The following NKAIN2 variants were observed in gnomAD, a reference collection of about 807,000 sequenced individuals.
NKAIN2 encodes the protein sodium/potassium transporting ATPase interacting 2, also known as sodium/potassium-transporting ATPase subunit beta-1-interacting protein 2.
Under a neutral mutation model 32.6 loss-of-function variants are expected in NKAIN2, and 14 were observed. The ratio of observed to expected loss-of-function variants is 0.43; its 90% CI spans 0.28 to 0.67. NKAIN2 has a LOEUF of 0.67. Among genes scored for constraint, NKAIN2 ranks in the 30% least tolerant of loss-of-function variants. The pLI is 0.17. For synonymous variants in NKAIN2, 80 were observed against 87.2 expected (o/e 0.92, Z 0.46); for missense variants, 198 against 258.3 (o/e 0.77, Z 1.60).
intron 3 of NKAIN2, among the ~76,000 whole-genome samples, chr6:124,623,213 A>G (rs1250144876): frequency 6.6e-6 from 1 of 152,174 alleles, no homozygotes; most frequent in Non-Finnish European, 1.5e-5. Flanking sequence ...ATTGCCCTTT[A>G]GTTTCTGACC....
chr6:124,286,544 A>G (rs1379942494), intron 2 of NKAIN2, among the ~76,000 whole-genome samples: 1 of 152,108 alleles, frequency 6.6e-6, no homozygotes. Context: ...ATTTGATAGA[A>G]GAAAAAATGT....
At chr6:123,875,220 ACT>A (rs1260503378) in intron 1 of NKAIN2, among the ~76,000 whole-genome samples, 2 of 151,962 alleles carry the variant, frequency 1.3e-5, no homozygotes, top group African/African-American at 4.8e-5. Context: ...AGGTTTTCTC[ACT>A]GTTTCCTTAG....
At chr6:124,330,089 A>G (rs939926503) in intron 2 of NKAIN2, among the ~76,000 whole-genome samples, 3 of 152,216 alleles carry the variant, frequency 2.0e-5, no homozygotes, top group African/African-American at 7.2e-5. Flanking sequence ...CTGGCAGATT[A>G]GTTATTCAGC....
intron 1 of NKAIN2, among the ~76,000 whole-genome samples, chr6:123,848,018 G>A (rs1775164128): frequency 6.6e-6 from 1 of 152,142 alleles, no homozygotes; most frequent in Admixed American, 6.5e-5. Flanking sequence ...GCTATCTGTA[G>A]CTAAGAATTA....
intron 1 of NKAIN2, among the ~76,000 whole-genome samples, chr6:124,180,541 ATATCATTCCACCCC>A (rs1345378103): frequency 6.6e-6 from 1 of 152,116 alleles, no homozygotes; most frequent in Non-Finnish European, 1.5e-5. Context: ...CAGCCAAACC[ATATCATTCCACCCC>A]TGGCCCCTCT....
chr6:124,239,455 C>T lies in NKAIN2; in HGVS notation c.55-43550C>T, dbSNP rs181086991. Reference sequence around the variant, plus strand: ...AACAGAATATACATTCTTCTCAGCACCACGTCACACTTATTCTAAAATTGG... The same window carrying T: ...AACAGAATATACATTCTTCTCAGCATCACGTCACACTTATTCTAAAATTGG... On this transcript the variant is annotated intron_variant, in intron 1 of 6. Transcript: ENST00000368417. 6.7e-4 allele frequency among the ~76,000 whole-genome samples: 102 copies of T among 152,254 alleles called. No homozygotes were observed. In the East Asian group the frequency reaches 0.019, roughly 28 times the overall value.
At chr6:124,712,390 G>C (rs1469368062) in intron 4 of NKAIN2, among the ~76,000 whole-genome samples, 20 of 114,990 alleles carry the variant, frequency 1.7e-4, no homozygotes, top group South Asian at 2.7e-4. Context: ...ATCAAGCCTG[G>C]GCAATGGCGG....
At chr6:124,519,533 T>C (rs1166774546) in intron 3 of NKAIN2, among the ~76,000 whole-genome samples, 1 of 152,222 alleles carries the variant, frequency 6.6e-6, no homozygotes, top group Admixed American at 6.5e-5. Flanking sequence ...CCTTACTTTC[T>C]ACAGCACATT....
At chr6:124,249,167 A>G (rs1209232028) in intron 1 of NKAIN2, among the ~76,000 whole-genome samples, 2 of 152,162 alleles carry the variant, frequency 1.3e-5, no homozygotes, top group African/African-American at 4.8e-5. Context: ...CTACTGTGTT[A>G]CTATGTAGCC....
At chr6:124,028,718 T>C (rs918728435) in intron 1 of NKAIN2, among the ~76,000 whole-genome samples, 15 of 141,064 alleles carry the variant, frequency 1.1e-4, no homozygotes, top group African/African-American at 4.2e-4. Flanking sequence ...TATATATACG[T>C]GTATATACGT....
At chr6:124,499,286 A>G (rs1778191998) in intron 3 of NKAIN2, among the ~76,000 whole-genome samples, 1 of 152,158 alleles carries the variant, frequency 6.6e-6, no homozygotes, top group African/African-American at 2.4e-5. Context: ...GACAGGCCCT[A>G]CTGGAAAATG....
intron 1 of NKAIN2, among the ~76,000 whole-genome samples, chr6:124,242,771 G>A (rs560472534): frequency 7.9e-5 from 12 of 151,010 alleles, no homozygotes; most frequent in African/African-American, 2.2e-4. Flanking sequence ...AAACCATTCC[G>A]GCAAACTAAC....
chr6:124,064,267 A>G (rs901868981), intron 1 of NKAIN2, among the ~76,000 whole-genome samples: 1 of 152,152 alleles, frequency 6.6e-6, no homozygotes, highest in Non-Finnish European at 1.5e-5. Context: ...CAGATTATTC[A>G]CATATAGAGT....
chr6:123,885,256 G>A (rs1019265785), intron 1 of NKAIN2, among the ~76,000 whole-genome samples: 6 of 152,036 alleles, frequency 3.9e-5, no homozygotes, highest in African/African-American at 1.2e-4. Flanking sequence ...AGGCTGCAAG[G>A]ACAGTTGGCC....
intron 1 of NKAIN2, among the ~76,000 whole-genome samples, chr6:124,165,328 TA>T (rs1395205136): frequency 1.3e-5 from 2 of 152,090 alleles, no homozygotes; most frequent in African/African-American, 4.8e-5. Context: ...AAAATGTTGC[TA>T]ATAGGCAGGA....
At chr6:124,270,660 G>T (rs1794718116) in intron 1 of NKAIN2, among the ~76,000 whole-genome samples, 1 of 152,168 alleles carries the variant, frequency 6.6e-6, no homozygotes, top group African/African-American at 2.4e-5. Context: ...AATAGATGCT[G>T]CTGATGATAA....
chr6:123,928,718 A>G (rs181660021), intron 1 of NKAIN2, among the ~76,000 whole-genome samples: 325 of 152,316 alleles, frequency 2.1e-3, no homozygotes, highest in South Asian at 6.0e-3. Flanking sequence ...CAGTGTTTAC[A>G]TAGTCTACTG....
chr6:123,993,441 A>G (rs2114694057), intron 1 of NKAIN2, among the ~76,000 whole-genome samples: 1 of 152,312 alleles, frequency 6.6e-6, no homozygotes, highest in Middle Eastern at 3.4e-3. Context: ...GTTTGTTTAG[A>G]TGTTGAAAAG....
chr6:123,844,512 T>C (rs1405089929), intron 1 of NKAIN2, among the ~76,000 whole-genome samples: 1 of 152,200 alleles, frequency 6.6e-6, no homozygotes, highest in Admixed American at 6.5e-5. Flanking sequence ...CTCCCCTTAA[T>C]GATCTCTTAG....
Sources: allele counts gnomAD v4.1 joint callset (sites outside exome capture counted in the v4.1 genomes callset), GRCh38; gene constraint gnomAD v4.1.1; transcripts MANE v1.5; gene names NCBI Gene and HGNC (gene_info 2026-07-23, HGNC 2026-07-21).